LMO7: variants seen among roughly 807,000 people sequenced by gnomAD.
The protein encoded by LMO7 is LIM domain only protein 7.
Under a neutral mutation model 206.5 loss-of-function variants are expected in LMO7, and 120 were observed. The ratio of observed to expected loss-of-function variants is 0.58; its 90% CI spans 0.50 to 0.68. The LOEUF is 0.68. Ranked by LOEUF, LMO7 falls within the 30% of genes least tolerant of loss-of-function variation. The probability of loss-of-function intolerance (pLI) is 0.00; values close to 1 mark genes in which losing one functional copy is unlikely to be tolerated. For missense variants in LMO7, 1,959 were observed against 1,957.9 expected (o/e 1.00, Z -0.01); for synonymous variants, 706 against 681.5 (o/e 1.04, Z -0.56).
chr13:75,673,136 C>T (rs1164590038), intron 1 of LMO7, among the ~76,000 whole-genome samples: 1 of 152,176 alleles, frequency 6.6e-6, no homozygotes, highest in Non-Finnish European at 1.5e-5. Context: ...AAGTGTGAGG[C>T]ATGAGCAACG....
chr13:75,740,444 A>G (rs1186833248), intron 3 of LMO7, among the ~76,000 whole-genome samples: 1 of 152,178 alleles, frequency 6.6e-6, no homozygotes, highest in Non-Finnish European at 1.5e-5. Context: ...ACAGAGTGAG[A>G]CTCCATCTCT....
chr13:75,697,084 G>C (rs1466230980), intron 1 of LMO7, among the ~76,000 whole-genome samples: 2 of 152,190 alleles, frequency 1.3e-5, no homozygotes, highest in African/African-American at 2.4e-5. Flanking sequence ...GCTTAGATCA[G>C]TAAGGGAGCC....
At position 75,800,782 on chromosome 13, in the gene LMO7, G is replaced by A. The variant is rs1313169296; in HGVS notation, c.561G>A (p.Arg187=). The change falls in exon 7 of 31, where the codon AGG becomes AGA. Residue 187 remains arginine, a synonymous_variant. Coordinates refer to ENST00000377534, the MANE Select transcript of LMO7 (RefSeq NM_001306080.2). ...PERGEFLAPP[R]HHKREDSFES... ...GTGGAGAATTTCTTGCTCCTCCAAG[G>A]CACCATAAGAGAGAAGATTCCTTTG... is the stretch of plus-strand genomic sequence containing the variant. 8 of 1,613,956 alleles carry A rather than the reference G, an allele frequency of 5.0e-6. No individual in the cohort carries two copies. Among genetic ancestry groups the A allele is most frequent in the Non-Finnish European group, 6.8e-6 (8 of 1,179,966 alleles).
intron 1 of LMO7, among the ~76,000 whole-genome samples, chr13:75,691,123 A>T (rs1297684396): frequency 1.3e-5 from 2 of 152,200 alleles, no homozygotes; most frequent in Non-Finnish European, 2.9e-5. Context: ...ATTGGAGTGT[A>T]CTCTTTAAAC....
intron 15 of LMO7, among the ~76,000 whole-genome samples, chr13:75,830,400 T>C (rs1250015232): frequency 6.6e-6 from 1 of 152,150 alleles, no homozygotes; most frequent in African/African-American, 2.4e-5. Context: ...GACTTTGATT[T>C]GAAACTAGGC....
intron 1 of LMO7, among the ~76,000 whole-genome samples, chr13:75,649,014 G>A (rs962440530): frequency 1.3e-4 from 20 of 152,322 alleles, no homozygotes; most frequent in Non-Finnish European, 2.8e-4. Context: ...GAAAGTTGAT[G>A]CGTGGGAGGT....
At chr13:75,809,827 C>CTTT (rs2056076645) in intron 11 of LMO7, among the ~76,000 whole-genome samples, 1 of 140,006 alleles carries the variant, frequency 7.1e-6, no homozygotes, top group African/African-American at 2.7e-5. Context: ...GCAAAAACTA[C>CTTT]ATTTTTTTTT....
intron 15 of LMO7, among the ~76,000 whole-genome samples, chr13:75,830,576 T>C (rs2058565295): frequency 6.6e-6 from 1 of 152,188 alleles, no homozygotes. Flanking sequence ...AACACAACAC[T>C]CTGCCTGGCT....
At chr13:75,856,471 C>A in intron 29 of LMO7, 35 bp from the exon 30 acceptor site, 2 of 1,317,142 alleles carry the variant, frequency 1.5e-6, no homozygotes, top group Non-Finnish European at 2.2e-6. Flanking sequence ...CTTGAGCTGA[C>A]TGATTGTAGA....
intron 1 of LMO7, among the ~76,000 whole-genome samples, chr13:75,703,739 T>TGTGTGTGTGTGTGC (rs57290262): frequency 5.3e-4 from 81 of 151,790 alleles, no homozygotes; most frequent in African/African-American, 1.9e-3. Context: ...TGTGTGTGTG[T>TGTGTGTGTGTGTGC]GCACTGTGAG....
intron 13 of LMO7, among the ~76,000 whole-genome samples, chr13:75,820,484 G>A (rs978905004): frequency 6.6e-6 from 1 of 152,138 alleles, no homozygotes; most frequent in African/African-American, 2.4e-5. Context: ...CACGACTTTG[G>A]AAGGTTCAAA....
intron 22 of LMO7, 86 bp from the exon 23 acceptor site, chr13:75,841,023 T>G (rs2059520788): frequency 4.8e-6 from 4 of 830,184 alleles, no homozygotes; most frequent in Non-Finnish European, 7.7e-6. Flanking sequence ...GGTTGAAGGT[T>G]TAGAGATCAT....
At chr13:75,793,420 C>T (rs979302441) in intron 4 of LMO7, among the ~76,000 whole-genome samples, 18 of 152,202 alleles carry the variant, frequency 1.2e-4, no homozygotes, top group Middle Eastern at 3.4e-3. Flanking sequence ...GGATTACAGG[C>T]GCCCACCACC....
chr13:75,669,075 C>T (rs1281720997), intron 1 of LMO7, among the ~76,000 whole-genome samples: 2 of 152,088 alleles, frequency 1.3e-5, no homozygotes, highest in African/African-American at 4.8e-5. Context: ...TCTAAGAGGT[C>T]AGCACAGCAA....
At chr13:75,643,001 T>C (rs1050218806) in intron 1 of LMO7, among the ~76,000 whole-genome samples, 2 of 152,222 alleles carry the variant, frequency 1.3e-5, no homozygotes, top group Non-Finnish European at 2.9e-5. Context: ...CGAAGAAGCC[T>C]TGAAACCTTG....
intron 1 of LMO7, among the ~76,000 whole-genome samples, chr13:75,681,702 A>G (rs1350196787): frequency 9.2e-5 from 9 of 98,198 alleles, no homozygotes; most frequent in Non-Finnish European, 1.7e-4. Context: ...GTATGTATGT[A>G]TGTGTATATA....
chr13:75,792,726 TG>T (rs2053474299), intron 4 of LMO7, among the ~76,000 whole-genome samples: 1 of 152,220 alleles, frequency 6.6e-6, no homozygotes, highest in Admixed American at 6.5e-5. Context: ...GAGTGAACTC[TG>T]TTTACTCCAG....
Position 75,858,858 on chromosome 13 carries a change from T to G in LMO7, c.*915T>G, listed in dbSNP as rs2061143885. 6.6e-6 allele frequency: 1 copy of G among 152,244 alleles called. No individual in the cohort carries two copies. Among genetic ancestry groups the G allele is most frequent in the Non-Finnish European group, 1.5e-5 (1 of 68,016 alleles). The allele number at this position is 152,244 out of a possible 1,614,324, so 9.4% of individuals were successfully genotyped here. On this transcript the variant is annotated 3_prime_UTR_variant, in exon 31 of 31. Transcript: ENST00000377534. ...GACAAATTTTGACATGGTGTATACC[T>G]TCGAAACTATGCCACAGTCTGGATG...
At chr13:75,789,614 G>T (rs950681632) in intron 4 of LMO7, among the ~76,000 whole-genome samples, 2 of 152,110 alleles carry the variant, frequency 1.3e-5, no homozygotes, top group African/African-American at 4.8e-5. Context: ...ATGGACTCTG[G>T]TATGCAACCA....
Sources: gnomAD v4.1 joint callset for allele counts (sites outside exome capture counted in the v4.1 genomes callset) on GRCh38, gnomAD v4.1.1 for gene constraint, MANE v1.5 for transcripts, NCBI Gene and HGNC (gene_info 2026-07-23, HGNC 2026-07-21) for gene names.